The following SPMIP7 variants were observed in gnomAD, a reference collection of about 807,000 sequenced individuals.
SPMIP7 encodes the protein sperm microtubule inner protein 7.
the SPMIP7 span, among the ~76,000 whole-genome samples, chr7:50,125,527 G>C: frequency 1.3e-5 from 2 of 150,430 alleles, no homozygotes; most frequent in Non-Finnish European, 3.0e-5. Flanking sequence ...AATTTGAAAA[G>C]TCAAAAGTTA....
chr7:50,131,589 G>T, the SPMIP7 span, among the ~76,000 whole-genome samples: 1 of 152,012 alleles, frequency 6.6e-6, no homozygotes, highest in East Asian at 1.9e-4. Context: ...CTGGCATCTC[G>T]TTAAAAAAGA....
At chr7:50,125,132 A>C in the SPMIP7 span, among the ~76,000 whole-genome samples, 1 of 123,344 alleles carries the variant, frequency 8.1e-6, no homozygotes, top group Non-Finnish European at 1.7e-5. Flanking sequence ...ACACACACAC[A>C]CACACACACA....
At chr7:50,107,362 C>CAAAAAAAA in the SPMIP7 span, among the ~76,000 whole-genome samples, 1 of 16,656 alleles carries the variant, frequency 6.0e-5, no homozygotes, top group Non-Finnish European at 1.0e-4. Flanking sequence ...GACTCTGTCT[C>CAAAAAAAA]AAAAAAAAAA....
the SPMIP7 span, chr7:50,096,335 T>C: frequency 4.5e-4 from 702 of 1,552,158 alleles, 2 homozygotes; most frequent in African/African-American, 5.0e-3. Flanking sequence ...ACATGATCCT[T>C]ATCCCCCACC....
At chr7:50,099,215 G>A in the SPMIP7 span, among the ~76,000 whole-genome samples, 2 of 152,142 alleles carry the variant, frequency 1.3e-5, no homozygotes, top group African/African-American at 4.8e-5. Context: ...TGTTATTCAA[G>A]TCCTCTATGT....
chr7:50,151,601 A>ATTTCCCCTCCTAAT, the SPMIP7 span: 3 of 1,322,380 alleles, frequency 2.3e-6, no homozygotes, highest in Non-Finnish European at 3.2e-6. Flanking sequence ...ATACATTAGG[A>ATTTCCCCTCCTAAT]GGGGAAATCC....
chr7:50,119,699 G>A, the SPMIP7 span, among the ~76,000 whole-genome samples: 1 of 152,150 alleles, frequency 6.6e-6, no homozygotes, highest in Non-Finnish European at 1.5e-5. Flanking sequence ...GACCTTTCCA[G>A]TTAATAACAG....
chr7:50,105,362 G>A, the SPMIP7 span, among the ~76,000 whole-genome samples: 1 of 152,100 alleles, frequency 6.6e-6, no homozygotes, highest in Non-Finnish European at 1.5e-5. Flanking sequence ...AGCAGTAAAG[G>A]TATGAATACA....
chr7:50,145,579 T>C, the SPMIP7 span, among the ~76,000 whole-genome samples: 1 of 130,520 alleles, frequency 7.7e-6, no homozygotes, highest in African/African-American at 2.9e-5. Context: ...TGTATATATA[T>C]ATATGTGCGT....
At chr7:50,108,867 T>C in the SPMIP7 span, among the ~76,000 whole-genome samples, 67 of 152,152 alleles carry the variant, frequency 4.4e-4, no homozygotes, top group Non-Finnish European at 7.6e-4. Flanking sequence ...GTACAGGGGA[T>C]TGGGTTGTAA....
chr7:50,118,983 C>A, the SPMIP7 span, among the ~76,000 whole-genome samples: 1 of 152,286 alleles, frequency 6.6e-6, no homozygotes, highest in East Asian at 1.9e-4. Flanking sequence ...ATACTGCAGG[C>A]TTTAATGCAT....
At chr7:50,115,980 T>C in the SPMIP7 span, among the ~76,000 whole-genome samples, 14 of 152,316 alleles carry the variant, frequency 9.2e-5, 1 homozygote, top group East Asian at 2.7e-3. Flanking sequence ...ACTGAAGTTC[T>C]TAGCCAGCCC....
the SPMIP7 span, chr7:50,151,627 C>T: frequency 8.8e-6 from 9 of 1,026,016 alleles, no homozygotes; most frequent in Admixed American, 1.5e-4. Flanking sequence ...GTGGTTATTC[C>T]ATTAAAGAAC....
the SPMIP7 span, among the ~76,000 whole-genome samples, chr7:50,149,441 T>A: frequency 1.1e-4 from 17 of 152,224 alleles, no homozygotes; most frequent in African/African-American, 4.1e-4. Flanking sequence ...AAGAGGTTAG[T>A]GTTGTCCTCT....
the SPMIP7 span, among the ~76,000 whole-genome samples, chr7:50,115,733 A>G: frequency 6.6e-6 from 1 of 152,222 alleles, no homozygotes; most frequent in African/African-American, 2.4e-5. Flanking sequence ...GAAAATTGAT[A>G]AATGTGATTC....
At chr7:50,103,933 G>C in the SPMIP7 span, among the ~76,000 whole-genome samples, 1 of 152,078 alleles carries the variant, frequency 6.6e-6, no homozygotes, top group Non-Finnish European at 1.5e-5. Flanking sequence ...TTTGAAGGCT[G>C]CTTTTTATAA....
At chr7:50,114,463 A>G in the SPMIP7 span, among the ~76,000 whole-genome samples, 2 of 152,144 alleles carry the variant, frequency 1.3e-5, no homozygotes, top group Non-Finnish European at 2.9e-5. Flanking sequence ...TTAAAGATGT[A>G]TATTGTAAAA....
chr7:50,143,799 A>T, the SPMIP7 span, among the ~76,000 whole-genome samples: 1 of 152,244 alleles, frequency 6.6e-6, no homozygotes, highest in African/African-American at 2.4e-5. Context: ...TCCATCTGTC[A>T]TACACACTTC....
At chr7:50,117,757 T>A in the SPMIP7 span, among the ~76,000 whole-genome samples, 1 of 152,226 alleles carries the variant, frequency 6.6e-6, no homozygotes, top group Non-Finnish European at 1.5e-5. Context: ...AGAAGAGAAC[T>A]CTCACCTAAT....
Sources: gnomAD v4.1 joint callset for allele counts (sites outside exome capture counted in the v4.1 genomes callset) on GRCh38, gnomAD v4.1.1 for gene constraint, MANE v1.5 for transcripts, NCBI Gene and HGNC (gene_info 2026-07-23, HGNC 2026-07-21) for gene names.